The following SIGLEC15 variants were observed in gnomAD, a reference collection of about 807,000 sequenced individuals.
SIGLEC15 encodes the protein sialic acid-binding Ig-like lectin 15.
A neutral mutation model predicts 26.2 loss-of-function variants in SIGLEC15; 31 were observed. The observed-to-expected ratio is 1.18, with a 90% CI of 0.89 to 1.60. SIGLEC15 has a LOEUF of 1.60. Among genes scored for constraint, SIGLEC15 ranks in the 40% most tolerant of loss-of-function variants. The probability of loss-of-function intolerance (pLI) is 0.00; values close to 1 mark genes in which losing one functional copy is unlikely to be tolerated. For missense variants in SIGLEC15, 501 were observed against 488.4 expected, an observed-to-expected ratio of 1.03 and a Z score of -0.24; for synonymous variants, 207 against 221.9, an observed-to-expected ratio of 0.93 and a Z score of 0.60.
chr18:45,826,355 G>C (rs371794622), intron 1 of SIGLEC15, among the ~76,000 whole-genome samples: 9 of 152,092 alleles, frequency 5.9e-5, no homozygotes, highest in African/African-American at 1.9e-4. Flanking sequence ...GGTATCCTGG[G>C]AACAGTGTTT....
In SIGLEC15 at chr18:45,825,820, G is replaced by T. The variant is rs970458308; in HGVS notation, c.52+40G>T. On this transcript the variant is annotated intron_variant, in intron 1 of 5. Coordinates refer to ENST00000389474, the MANE Select transcript of SIGLEC15 (RefSeq NM_213602.3). ...CTCTCTCTGGCCCATGCTCGGGACA[G>T]AATAGATGCTGAAAGCATCTTAGGT... is the stretch of plus-strand genomic sequence containing the variant. The T allele has an allele frequency of 3.1e-6, 5 of 1,612,006 alleles. No individual in the cohort carries two copies. In the African/African-American group the frequency reaches 6.7e-5, roughly 22 times the overall value.
chr18:45,840,166 C>A (rs1224626463), intron 4 of SIGLEC15, 45 bp from the exon 5 acceptor site: 1 of 1,609,492 alleles, frequency 6.2e-7, no homozygotes. Context: ...AGGCTGCAGA[C>A]TGCGGTGGAG....
chr18:45,842,011 T>C, intron 5 of SIGLEC15, 95 bp from the exon 6 acceptor site: 2 of 1,125,804 alleles, frequency 1.8e-6, no homozygotes, highest in South Asian at 1.3e-5. Flanking sequence ...CTCCCCAGAA[T>C]GTCTCCTCTT....
chr18:45,838,702 G>A lies in SIGLEC15; in HGVS notation c.497-16G>A, dbSNP rs1480086455. 1.9e-6 allele frequency: 3 copies of A among 1,556,904 alleles called. No homozygotes were observed. Among genetic ancestry groups the A allele is most frequent in the Admixed American group, 1.8e-5 (1 of 55,724 alleles). Reference sequence around the variant, plus strand: ...AGGGGTGCCCTTGTGACAGTCACCCGCCTTCTCCCCTGCAGCCGCGCCGCG... The same window carrying A: ...AGGGGTGCCCTTGTGACAGTCACCCACCTTCTCCCCTGCAGCCGCGCCGCG... On this transcript the variant is annotated splice_polypyrimidine_tract_variant and intron_variant, in intron 3 of 5. Transcript: ENST00000389474.
rs1003351569 is a variant in SIGLEC15 at position 45,831,413 on chromosome 18, G to C, written c.53-5616G>C. Among the ~76,000 whole-genome samples the C allele has an allele frequency of 4.6e-5, 7 of 152,132 alleles. No individual in the cohort carries two copies. In the East Asian group the frequency reaches 1.3e-3, roughly 29 times the overall value. On this transcript the variant is annotated intron_variant, in intron 1 of 5. Transcript: ENST00000389474. Reference sequence around the variant, plus strand: ...GTCTACAAACAGAAACCACATTCTAGCTTTTCAATTTTCATGTCCCTGGGC... The same window carrying C: ...GTCTACAAACAGAAACCACATTCTACCTTTTCAATTTTCATGTCCCTGGGC...
At position 45,842,254 on chromosome 18, in the gene SIGLEC15, TGGC is replaced by T. The variant is rs2048330854; in HGVS notation, c.*68_*70del. On this transcript the variant is annotated 3_prime_UTR_variant, in exon 6 of 6. Coordinates refer to ENST00000389474, the MANE Select transcript of SIGLEC15 (RefSeq NM_213602.3). ...AACAAAGGCCAGTGCGAGGCTTGGC[TGGC>T]ACAGCCAGTCCTGGTTCTCGGGCAC... The T allele has an allele frequency of 1.0e-5, 16 of 1,569,324 alleles. No individual in the cohort carries two copies. The South Asian group carries it at 1.7e-4, about 16-fold the overall frequency.
At chr18:45,828,208 G>A (rs895879678) in intron 1 of SIGLEC15, among the ~76,000 whole-genome samples, 12 of 152,320 alleles carry the variant, frequency 7.9e-5, no homozygotes, top group East Asian at 7.7e-4. Context: ...ACGCAGGCCC[G>A]CCAGTCGTGG....
chr18:45,840,053 G>A (rs548218945), intron 4 of SIGLEC15, among the ~76,000 whole-genome samples, 158 bp from the exon 5 acceptor site: 1 of 152,190 alleles, frequency 6.6e-6, no homozygotes, highest in Non-Finnish European at 1.5e-5. Context: ...TCCCCAGCAG[G>A]GTTCCATGGC....
chr18:45,839,207 C>A, intron 4 of SIGLEC15, 112 bp downstream of exon 4: 1 of 1,290,580 alleles, frequency 7.7e-7, no homozygotes, highest in Non-Finnish European at 9.9e-7. Flanking sequence ...GGTTTTTTTG[C>A]CCTATGCATC....
chr18:45,836,650 G>T (rs942791460), intron 1 of SIGLEC15, among the ~76,000 whole-genome samples: 2 of 152,208 alleles, frequency 1.3e-5, no homozygotes, highest in Non-Finnish European at 2.9e-5. Context: ...TGCTTGCACA[G>T]AGCAAGGAGG....
At chr18:45,841,527 G>A (rs934151570) in intron 5 of SIGLEC15, among the ~76,000 whole-genome samples, 8 of 152,204 alleles carry the variant, frequency 5.3e-5, no homozygotes, top group South Asian at 2.1e-4. Context: ...CAGGCCGTTG[G>A]CAAGGCTGAG....
At position 45,838,681 on chromosome 18, in the gene SIGLEC15, G is replaced by A. The variant is rs968449589; in HGVS notation, c.497-37G>A. 1.1e-5 allele frequency: 16 copies of A among 1,520,324 alleles called. No homozygotes were observed. In the East Asian group the frequency reaches 2.4e-4, roughly 23 times the overall value. 94.2% of individuals were successfully genotyped at this position (1,520,324 alleles called of 1,614,324 possible). ...GGCGTCCAAAGGGCTAAGGGGAGGG[G>A]TGCCCTTGTGACAGTCACCCGCCTT... On this transcript the variant is annotated intron_variant, in intron 3 of 5. Transcript: ENST00000389474.
Position 45,839,045 on chromosome 18 carries a change from C to A in SIGLEC15, c.824C>A (p.Ala275Glu). 1.3e-6 allele frequency: 2 copies of A among 1,542,690 alleles called. No individual in the cohort carries two copies. Among genetic ancestry groups the A allele is most frequent in the Middle Eastern group, 1.7e-4 (1 of 5,858 alleles). ...ALLLGALGFK[A>E]LLLLGVLAAR... ...CTGCTCGGCGCTCTCGGCTTCAAGG[C>A]GCTGCTGCTGCTCGGGGTCCTGGCC... Residue 275 changes from alanine (A) to glutamate (E), a missense_variant, in exon 4 of 6, where the codon GCG becomes GAG. Physicochemically the swap from Ala to Glu is moderately radical, Grantham distance 107. Coordinates refer to ENST00000389474, the MANE Select transcript of SIGLEC15 (RefSeq NM_213602.3).
intron 1 of SIGLEC15, among the ~76,000 whole-genome samples, chr18:45,828,813 A>G (rs1184775240): frequency 1.3e-5 from 2 of 152,184 alleles, no homozygotes; most frequent in African/African-American, 4.8e-5. Flanking sequence ...GCCGCAGAAA[A>G]ACAAACCCAA....
chr18:45,837,536 A>C lies in SIGLEC15; in HGVS notation c.136A>C (p.Met46Leu). 1 of 1,517,622 alleles carries C rather than the reference A, an allele frequency of 6.6e-7. No homozygotes were observed. The highest frequency in any genetic ancestry group is 8.8e-7 in the Non-Finnish European group (1 of 1,140,134). 94.0% of individuals were successfully genotyped at this position (1,517,622 alleles called of 1,614,324 possible). A position where few individuals can be genotyped will look rare whatever the true frequency, so the allele number is the denominator to read the frequency against. Reference protein sequence around the residue: ...VHSSPAQRWSMQVPPEVSAEA... With the variant: ...VHSSPAQRWSLQVPPEVSAEA... ...AGGCTCGCCAGCGCAGCGCTGGTCC[A>C]TGCAGGTGCCACCCGAGGTGAGCGC... Residue 46 changes from methionine (M) to leucine (L), a missense_variant, in exon 3 of 6, where the codon ATG (methionine) becomes CTG (leucine). Physicochemically the swap from Met to Leu is conservative, Grantham distance 15. Transcript: ENST00000389474.
In SIGLEC15 at chr18:45,838,846, G is replaced by C; in HGVS notation, c.625G>C (p.Ala209Pro). The C allele has an allele frequency of 6.4e-7, 1 of 1,572,288 alleles. No individual in the cohort carries two copies. Among genetic ancestry groups the C allele is most frequent in the Non-Finnish European group, 8.6e-7 (1 of 1,164,652 alleles). ...CGGCCCGGCCCTGGGCAACAGCTTGGCAGCCGTGCGGAGCCCGCGTGAGGG... is the reference window on the plus strand; with the variant it reads ...CGGCCCGGCCCTGGGCAACAGCTTGCCAGCCGTGCGGAGCCCGCGTGAGGG... Reference protein sequence around the residue: ...WSGPALGNSLAAVRSPREGHG... With the variant: ...WSGPALGNSLPAVRSPREGHG... Residue 209 changes from alanine (A) to proline (P), a missense_variant, in exon 4 of 6, where the codon GCA (alanine) becomes CCA (proline). Transcript: ENST00000389474.
chr18:45,837,974 C>T (rs2048290662), intron 3 of SIGLEC15, 78 bp downstream of exon 3: 2 of 1,395,706 alleles, frequency 1.4e-6, no homozygotes, highest in East Asian at 3.0e-5. Context: ...TACGTGGGTG[C>T]CAGGCGCTGT....
intron 1 of SIGLEC15, among the ~76,000 whole-genome samples, chr18:45,827,567 T>C (rs777269572): frequency 6.6e-6 from 1 of 152,184 alleles, no homozygotes; most frequent in East Asian, 1.9e-4. Flanking sequence ...CTGTTTGCTG[T>C]TTACTGGCTG....
intron 5 of SIGLEC15, 69 bp downstream of exon 5, chr18:45,840,310 G>A (rs921113005): frequency 3.3e-6 from 5 of 1,520,132 alleles, no homozygotes; most frequent in Non-Finnish European, 4.5e-6. Flanking sequence ...AGGGGGTCCA[G>A]GCAGGAGAAG....
Sources: gnomAD v4.1 joint callset for allele counts (sites outside exome capture counted in the v4.1 genomes callset) on GRCh38, gnomAD v4.1.1 for gene constraint, MANE v1.5 for transcripts, NCBI Gene and HGNC (gene_info 2026-07-23, HGNC 2026-07-21) for gene names.